DTNBP1: variants seen among roughly 807,000 people sequenced by gnomAD.
DTNBP1 encodes the protein dysbindin.
In DTNBP1, 35 loss-of-function variants were observed where a neutral mutation model predicts 42.8. The observed-to-expected ratio is 0.82, with a 90% CI of 0.63 to 1.09. The LOEUF (loss-of-function observed/expected upper bound fraction) is 1.09. Among genes scored for constraint, DTNBP1 ranks in the 50% least tolerant of loss-of-function variants. The probability of loss-of-function intolerance (pLI) is 0.00; values close to 1 mark genes in which losing one functional copy is unlikely to be tolerated. For synonymous variants in DTNBP1, 171 were observed against 162.2 expected (o/e 1.05, Z -0.41); for missense variants, 457 against 424.2 (o/e 1.08, Z -0.68).
chr6:15,582,280 G>C (rs1775874090), intron 7 of DTNBP1, among the ~76,000 whole-genome samples: 1 of 152,134 alleles, frequency 6.6e-6, no homozygotes, highest in African/African-American at 2.4e-5. Flanking sequence ...AAAAACACAG[G>C]TTTTGAGGGC....
At chr6:15,535,724 G>C (rs1773190528) in intron 7 of DTNBP1, among the ~76,000 whole-genome samples, 1 of 152,204 alleles carries the variant, frequency 6.6e-6, no homozygotes, top group Non-Finnish European at 1.5e-5. Context: ...AGGGACTTTG[G>C]AACTGGGTTA....
intron 7 of DTNBP1, among the ~76,000 whole-genome samples, chr6:15,552,167 A>G (rs1478140789): frequency 6.6e-6 from 1 of 152,240 alleles, no homozygotes; most frequent in Non-Finnish European, 1.5e-5. Flanking sequence ...CTTAAGATTC[A>G]GTTCAATAAA....
At chr6:15,523,704 G>A in intron 9 of DTNBP1, 1 of 1,287,196 alleles carries the variant, frequency 7.8e-7, no homozygotes, top group Non-Finnish European at 1.0e-6. Context: ...AGGTGTCACT[G>A]TTTCTAAATC....
intron 6 of DTNBP1, among the ~76,000 whole-genome samples, chr6:15,606,350 A>AT (rs1474712661): frequency 4.6e-5 from 7 of 152,268 alleles, no homozygotes; most frequent in African/African-American, 1.4e-4. Context: ...ATGCACTGGT[A>AT]TAAACATCTG....
At chr6:15,549,236 G>A (rs1247341976) in intron 7 of DTNBP1, among the ~76,000 whole-genome samples, 1 of 151,954 alleles carries the variant, frequency 6.6e-6, no homozygotes, top group Non-Finnish European at 1.5e-5. Context: ...CCTGTAATCC[G>A]AGCACTTTGG....
chr6:15,594,449 A>G (rs1276398299), intron 6 of DTNBP1, among the ~76,000 whole-genome samples: 1 of 150,806 alleles, frequency 6.6e-6, no homozygotes, highest in Non-Finnish European at 1.5e-5. Context: ...TGGGTGACAG[A>G]GCGAGACTCT....
At chr6:15,525,002 A>G (rs143304748) in intron 8 of DTNBP1, among the ~76,000 whole-genome samples, 1,675 of 152,340 alleles carry the variant, frequency 0.011, 17 homozygotes, top group Non-Finnish European at 0.017. Context: ...TCCTGCAGCA[A>G]CAGTTAGCGA....
chr6:15,557,856 G>A (rs1229033497), intron 7 of DTNBP1, among the ~76,000 whole-genome samples: 2 of 151,934 alleles, frequency 1.3e-5, no homozygotes, highest in Non-Finnish European at 2.9e-5. Flanking sequence ...TTTGATATTT[G>A]ACAAACTTTC....
At chr6:15,568,747 T>G (rs1775208401) in intron 7 of DTNBP1, among the ~76,000 whole-genome samples, 1 of 152,212 alleles carries the variant, frequency 6.6e-6, no homozygotes, top group Admixed American at 6.5e-5. Flanking sequence ...GTCCTTATAA[T>G]TTTCTTAGTT....
At chr6:15,533,021 T>G (rs375706362) in intron 8 of DTNBP1, among the ~76,000 whole-genome samples, 1 of 151,942 alleles carries the variant, frequency 6.6e-6, no homozygotes, top group Non-Finnish European at 1.5e-5. Flanking sequence ...TTTAGAGGTA[T>G]TAAAAAAAAT....
chr6:15,659,132 TTTA>T (rs1466436279), intron 1 of DTNBP1, among the ~76,000 whole-genome samples: 3 of 152,248 alleles, frequency 2.0e-5, no homozygotes, highest in East Asian at 1.9e-4. Flanking sequence ...AATGTAGAAA[TTTA>T]TTCTTATTGG....
intron 8 of DTNBP1, 120 bp downstream of exon 8, chr6:15,533,120 T>C (rs964548288): frequency 1.8e-5 from 27 of 1,491,556 alleles, no homozygotes; most frequent in Non-Finnish European, 2.1e-5. Flanking sequence ...GTTGCTGGGG[T>C]CTCATAACAG....
At chr6:15,592,529 A>T (rs989590168) in intron 7 of DTNBP1, among the ~76,000 whole-genome samples, 1 of 152,340 alleles carries the variant, frequency 6.6e-6, no homozygotes, top group South Asian at 2.1e-4. Flanking sequence ...AAAAGTAAAA[A>T]GTAATGCTGG....
chr6:15,576,769 T>TAAA (rs34473285), intron 7 of DTNBP1, among the ~76,000 whole-genome samples: 4 of 99,072 alleles, frequency 4.0e-5, no homozygotes, highest in African/African-American at 7.5e-5. Context: ...ACTCTGTCTC[T>TAAA]AAAAAAAAAA....
chr6:15,659,038 G>A (rs536141446), intron 1 of DTNBP1, among the ~76,000 whole-genome samples: 1 of 152,118 alleles, frequency 6.6e-6, no homozygotes, highest in South Asian at 2.1e-4. Flanking sequence ...GGACAACCTA[G>A]AGCTCCCCCC....
chr6:15,582,124 T>C (rs1263390988), intron 7 of DTNBP1, among the ~76,000 whole-genome samples: 1 of 152,072 alleles, frequency 6.6e-6, no homozygotes, highest in Non-Finnish European at 1.5e-5. Flanking sequence ...CTATTCAAAG[T>C]TTGCGGTATA....
intron 6 of DTNBP1, among the ~76,000 whole-genome samples, chr6:15,595,665 G>A (rs1006767844): frequency 2.0e-5 from 3 of 152,126 alleles, no homozygotes; most frequent in African/African-American, 7.2e-5. Context: ...ATCTGTTAGA[G>A]GTACTCAGCA....
intron 9 of DTNBP1, chr6:15,524,175 C>A (rs1186780959): frequency 6.9e-7 from 1 of 1,450,986 alleles, no homozygotes; most frequent in Non-Finnish European, 9.1e-7. Flanking sequence ...TCCCGTGAGC[C>A]CCGCAGGAGA....
At chr6:15,600,734 G>A (rs754394959) in intron 6 of DTNBP1, among the ~76,000 whole-genome samples, 2 of 152,178 alleles carry the variant, frequency 1.3e-5, no homozygotes, top group Non-Finnish European at 2.9e-5. Flanking sequence ...AGAGGAAGGA[G>A]GAGATTATGA....
Sources: allele counts gnomAD v4.1 joint callset (sites outside exome capture counted in the v4.1 genomes callset), GRCh38; gene constraint gnomAD v4.1.1; transcripts MANE v1.5; gene names NCBI Gene and HGNC (gene_info 2026-07-23, HGNC 2026-07-21).